Variants in DGKH observed in about 807,000 individuals in gnomAD.
DGKH encodes the protein diacylglycerol kinase eta.
DGKH carries 90 observed loss-of-function variants against 159.3 expected under a neutral mutation model. The ratio of observed to expected loss-of-function variants is 0.57; its 90% confidence interval spans 0.48 to 0.67. The LOEUF (loss-of-function observed/expected upper bound fraction) is 0.67. Among genes scored for constraint, DGKH ranks in the 30% least tolerant of loss-of-function variants. The probability of loss-of-function intolerance (pLI) is 0.00; values close to 1 mark genes in which losing one functional copy is unlikely to be tolerated. For missense variants in DGKH, 1,181 were observed against 1,506.1 expected (o/e 0.78, Z 3.57); for synonymous variants, 536 against 553.8 (o/e 0.97, Z 0.45).
chr13:42,214,377 A>G (rs1051789711), intron 24 of DGKH, 130 bp from the exon 25 acceptor site: 2 of 719,994 alleles, frequency 2.8e-6, no homozygotes, highest in African/African-American at 3.6e-5. Context: ...TTGAGCAGCC[A>G]TTAAAAGTGT....
intron 1 of DGKH, among the ~76,000 whole-genome samples, chr13:42,088,218 A>T (rs1954345991): frequency 6.6e-6 from 1 of 152,180 alleles, no homozygotes; most frequent in African/African-American, 2.4e-5. Flanking sequence ...TGGACAAACA[A>T]AAACTGTGAG....
chr13:42,151,298 A>G (rs1254004826), intron 3 of DGKH, among the ~76,000 whole-genome samples: 1 of 151,890 alleles, frequency 6.6e-6, no homozygotes, highest in African/African-American at 2.4e-5. Context: ...TAGAGTCTCC[A>G]GTGTCCATTA....
intron 3 of DGKH, among the ~76,000 whole-genome samples, chr13:42,145,217 T>C (rs1228300847): frequency 6.6e-6 from 1 of 152,218 alleles, no homozygotes; most frequent in Non-Finnish European, 1.5e-5. Flanking sequence ...AAATCTCAAT[T>C]TATGAAGGCA....
rs776451710 is a variant in DGKH at position 42,194,900 on chromosome 13, G to A, written c.2051G>A (p.Arg684Gln). The part of the protein sequence containing the change: ...KESITVKTAP[R>Q]SPDARASYGH... ...TTGCCAACAGTTAAAACTGCACCTC[G>A]GTCTCCAGATGCCCGGGCAAGTTAT... is the stretch of plus-strand genomic sequence containing the variant. The change falls in exon 17 of 30, where the codon CGG (arginine) becomes CAG (glutamine). Residue 684 changes from arginine (R) to glutamine (Q), a missense_variant. Physicochemically the swap from Arg to Gln is conservative, Grantham distance 43. Transcript: ENST00000337343. The A allele has an allele frequency of 3.6e-5, 58 of 1,613,144 alleles. No individual in the cohort carries two copies. In the East Asian group the frequency reaches 4.9e-4, roughly 14 times the overall value.
rs1209422345 is a variant in DGKH at position 42,127,530 on chromosome 13, T to C, written c.260T>C (p.Phe87Ser). 2.5e-6 allele frequency: 4 copies of C among 1,613,808 alleles called. No individual in the cohort carries two copies. The Admixed American group carries it at 5.0e-5, about 20-fold the overall frequency. Residue 87 changes from phenylalanine (F) to serine (S), a missense_variant, in exon 2 of 30, where the codon TTC (phenylalanine) becomes TCC (serine). Coordinates refer to ENST00000337343, the MANE Select transcript of DGKH (RefSeq NM_178009.5). ...TTCCAAAGGTGGAAAAAGCGATACT[T>C]CAAACTTCGAGGCCGCACCCTTTAC... ...SSFQRWKKRY[F>S]KLRGRTLYYA...
intron 1 of DGKH, among the ~76,000 whole-genome samples, chr13:42,053,468 CTA>C (rs1346871098): frequency 4.8e-5 from 7 of 144,712 alleles, no homozygotes; most frequent in South Asian, 4.2e-4. Context: ...CTATATATAA[CTA>C]TATGTATAAC....
chr13:42,187,100 T>G lies in DGKH; in HGVS notation c.1590T>G (p.Tyr530Ter). 2 of 1,614,140 alleles carry G rather than the reference T, an allele frequency of 1.2e-6. No individual in the cohort carries two copies. The highest frequency in any genetic ancestry group is 1.7e-6 in the Non-Finnish European group (2 of 1,179,992). The change falls in exon 14 of 30, where the codon TAT becomes TAG. Residue 530 changes from tyrosine to a stop codon, truncating the protein, a stop_gained. Coordinates refer to ENST00000337343, the MANE Select transcript of DGKH (RefSeq NM_178009.5). LOFTEE classifies it high-confidence loss of function. ...TCGTTGCCAAAGTAGAAAAGACGTATGACAAAACCTTGGAAAATGCCGTTG... is the reference window on the plus strand; with the variant it reads ...TCGTTGCCAAAGTAGAAAAGACGTAGGACAAAACCTTGGAAAATGCCGTTG... ...KDFVAKVEKTYDKTLENAVVA... is the reference protein window; with the variant it reads ...KDFVAKVEKT
intron 3 of DGKH, among the ~76,000 whole-genome samples, chr13:42,146,823 T>TG (rs1322316342): frequency 1.3e-5 from 2 of 152,224 alleles, no homozygotes; most frequent in Non-Finnish European, 2.9e-5. Context: ...AGTCAGTAGC[T>TG]GGGGGCAGGC....
chr13:42,108,215 A>G (rs1269339839), intron 1 of DGKH, among the ~76,000 whole-genome samples: 1 of 152,178 alleles, frequency 6.6e-6, no homozygotes, highest in Non-Finnish European at 1.5e-5. Flanking sequence ...AGGCAAGAAT[A>G]ATAAAATCAC....
intron 3 of DGKH, among the ~76,000 whole-genome samples, chr13:42,142,336 T>C (rs946476080): frequency 6.6e-6 from 1 of 152,024 alleles, no homozygotes; most frequent in Non-Finnish European, 1.5e-5. Flanking sequence ...GCGTGATGCC[T>C]CCAGCTTTGT....
At chr13:42,117,119 T>C (rs1355344838) in intron 1 of DGKH, among the ~76,000 whole-genome samples, 1 of 152,168 alleles carries the variant, frequency 6.6e-6, no homozygotes, top group Non-Finnish European at 1.5e-5. Flanking sequence ...AGGGGGGAGT[T>C]AATGCCTCAT....
At chr13:42,174,036 A>G in intron 11 of DGKH, 24 bp from the exon 12 acceptor site, 1 of 1,592,940 alleles carries the variant, frequency 6.3e-7, no homozygotes, top group South Asian at 1.1e-5. Context: ...GAAATCTTTG[A>G]CCAAAGAGTT....
At chr13:42,186,107 A>G (rs1030370745) in intron 13 of DGKH, among the ~76,000 whole-genome samples, 1 of 151,808 alleles carries the variant, frequency 6.6e-6, no homozygotes, top group Non-Finnish European at 1.5e-5. Flanking sequence ...ATGGAAATTT[A>G]CCATTTTGCC....
At chr13:42,207,871 A>G (rs1409183354) in intron 21 of DGKH, among the ~76,000 whole-genome samples, 1 of 151,998 alleles carries the variant, frequency 6.6e-6, no homozygotes, top group Non-Finnish European at 1.5e-5. Context: ...TCAATTGGAA[A>G]GTATTTGTAA....
intron 20 of DGKH, among the ~76,000 whole-genome samples, chr13:42,204,593 G>T (rs889442803): frequency 7.2e-5 from 11 of 152,108 alleles, no homozygotes; most frequent in Non-Finnish European, 1.3e-4. Context: ...AACATTTTTT[G>T]CAGTACTTGG....
chr13:42,180,332 A>G (rs1956718279), intron 13 of DGKH, among the ~76,000 whole-genome samples: 1 of 152,096 alleles, frequency 6.6e-6, no homozygotes. Flanking sequence ...CCACCAAACA[A>G]AGAGAGTGTG....
intron 3 of DGKH, among the ~76,000 whole-genome samples, chr13:42,148,831 C>G (rs895220067): frequency 6.6e-6 from 1 of 152,060 alleles, no homozygotes; most frequent in East Asian, 1.9e-4. Context: ...CTCATGTGTC[C>G]CTTGGCTTAC....
At chr13:42,221,993 C>T (rs999470183) in intron 29 of DGKH, among the ~76,000 whole-genome samples, 9 of 151,938 alleles carry the variant, frequency 5.9e-5, no homozygotes, top group East Asian at 1.9e-4. Flanking sequence ...CTTTAGTAAA[C>T]GAGGTAAAAA....
intron 21 of DGKH, among the ~76,000 whole-genome samples, chr13:42,208,176 T>A (rs1957553212): frequency 6.6e-6 from 1 of 152,180 alleles, no homozygotes; most frequent in Non-Finnish European, 1.5e-5. Context: ...AATTACAAAT[T>A]ACAATGTTAG....
Sources: gnomAD v4.1 joint callset for allele counts (sites outside exome capture counted in the v4.1 genomes callset) on GRCh38, gnomAD v4.1.1 for gene constraint, MANE v1.5 for transcripts, NCBI Gene and HGNC (gene_info 2026-07-23, HGNC 2026-07-21) for gene names.